The following SULF1 variants were observed in gnomAD, a reference collection of about 807,000 sequenced individuals.
SULF1 encodes extracellular sulfatase Sulf-1.
Under a neutral mutation model 110.5 loss-of-function variants are expected in SULF1, and 46 were observed. The ratio of observed to expected loss-of-function variants is 0.42; its 90% CI spans 0.33 to 0.53. The LOEUF is 0.53. Ranked by LOEUF, SULF1 falls within the 20% of genes least tolerant of loss-of-function variation. The probability of loss-of-function intolerance (pLI) is 0.12; values close to 1 mark genes in which losing one functional copy is unlikely to be tolerated. For missense variants in SULF1, 941 were observed against 1,094.2 expected (o/e 0.86, Z 1.98); for synonymous variants, 371 against 387.1 (o/e 0.96, Z 0.49).
chr8:69,555,201 G>A (rs1815027660), intron 3 of SULF1, among the ~76,000 whole-genome samples: 1 of 152,084 alleles, frequency 6.6e-6, no homozygotes, highest in African/African-American at 2.4e-5. Flanking sequence ...AAATGTGAAT[G>A]CCTCCTTCAC....
At chr8:69,577,236 G>C (rs1419663899) in intron 6 of SULF1, among the ~76,000 whole-genome samples, 1 of 152,230 alleles carries the variant, frequency 6.6e-6, no homozygotes, top group Non-Finnish European at 1.5e-5. Context: ...TGCCTTATCT[G>C]AGTGTGTTTT....
intron 3 of SULF1, among the ~76,000 whole-genome samples, chr8:69,515,553 G>A (rs973645822): frequency 4.6e-5 from 7 of 152,250 alleles, no homozygotes; most frequent in Admixed American, 3.9e-4. Context: ...CATCGTCTTG[G>A]CTATTAACAT....
chr8:69,504,389 A>C (rs1811034862), intron 3 of SULF1, among the ~76,000 whole-genome samples: 1 of 151,950 alleles, frequency 6.6e-6, no homozygotes. Flanking sequence ...CCCCATCTCT[A>C]CTAAAAATAC....
intron 5 of SULF1, among the ~76,000 whole-genome samples, chr8:69,573,300 T>C (rs1805372302): frequency 6.6e-6 from 1 of 152,212 alleles, no homozygotes; most frequent in African/African-American, 2.4e-5. Flanking sequence ...AAAAGGATGA[T>C]ACTGAGAATG....
rs118191284 is a variant in SULF1 at position 69,607,866 on chromosome 8, G to A, written c.1377+2934G>A. Among the ~76,000 whole-genome samples, 1,368 of 152,272 alleles carry A rather than the reference G, an allele frequency of 9.0e-3. 8 individuals carry two copies. Among genetic ancestry groups the A allele is most frequent in the Admixed American group, 0.015 (236 of 15,290 alleles). ...ACCTGCTTGGAATCTGCTCTCTCTCGATGTCCCTCCTGACATGCGCCCTGC... is the reference window on the plus strand; with the variant it reads ...ACCTGCTTGGAATCTGCTCTCTCTCAATGTCCCTCCTGACATGCGCCCTGC... On this transcript the variant is annotated intron_variant, in intron 13 of 22. Transcript: ENST00000402687.
intron 2 of SULF1, among the ~76,000 whole-genome samples, chr8:69,500,704 C>T (rs1448937124): frequency 1.3e-5 from 2 of 152,134 alleles, no homozygotes; most frequent in African/African-American, 4.8e-5. Context: ...TCTAGAACTC[C>T]CCAACCCCCA....
At chr8:69,649,069 T>C (rs1443386802) in intron 22 of SULF1, among the ~76,000 whole-genome samples, 1 of 152,160 alleles carries the variant, frequency 6.6e-6, no homozygotes, top group Non-Finnish European at 1.5e-5. Context: ...AATAAACAGC[T>C]TCCAAACGAC....
intron 6 of SULF1, among the ~76,000 whole-genome samples, chr8:69,582,880 A>G (rs1225300766): frequency 1.3e-5 from 2 of 152,136 alleles, no homozygotes; most frequent in Admixed American, 1.3e-4. Context: ...GGAAAAGGAA[A>G]ATCATCTTGT....
intron 3 of SULF1, among the ~76,000 whole-genome samples, chr8:69,516,733 C>T (rs1811945894): frequency 6.6e-6 from 1 of 152,116 alleles, no homozygotes; most frequent in South Asian, 2.1e-4. Context: ...TAAATAGAGG[C>T]AAATCCTTTG....
intron 1 of SULF1, among the ~76,000 whole-genome samples, chr8:69,467,874 GTCA>G (rs1808920012): frequency 6.6e-6 from 1 of 152,134 alleles, no homozygotes. Context: ...AAAATGAGTT[GTCA>G]TCATATATGC....
chr8:69,572,317 A>G (rs1805292917), intron 5 of SULF1, among the ~76,000 whole-genome samples: 1 of 152,158 alleles, frequency 6.6e-6, no homozygotes, highest in African/African-American at 2.4e-5. Flanking sequence ...GTGTGGCCCT[A>G]GGCACAGCAT....
At chr8:69,650,493 CAT>C (rs1812249931) in intron 22 of SULF1, among the ~76,000 whole-genome samples, 1 of 151,854 alleles carries the variant, frequency 6.6e-6, no homozygotes, top group Non-Finnish European at 1.5e-5. Flanking sequence ...ACATTCAAAA[CAT>C]TAGCTGGGCT....
intron 21 of SULF1, among the ~76,000 whole-genome samples, chr8:69,640,224 T>G (rs528235080): frequency 6.6e-6 from 1 of 152,026 alleles, no homozygotes; most frequent in East Asian, 1.9e-4. Flanking sequence ...CTGCAAAGAC[T>G]TGGAATCTCA....
At chr8:69,549,836 G>A (rs535933949) in intron 3 of SULF1, among the ~76,000 whole-genome samples, 13 of 152,088 alleles carry the variant, frequency 8.5e-5, no homozygotes, top group African/African-American at 2.4e-4. Flanking sequence ...GGAGACCCTC[G>A]AATTCATGGA....
chr8:69,598,807 A>T (rs754728841), intron 8 of SULF1, among the ~76,000 whole-genome samples: 1 of 152,194 alleles, frequency 6.6e-6, no homozygotes, highest in Non-Finnish European at 1.5e-5. Flanking sequence ...TGAGTTACTT[A>T]TACTTCTGAG....
intron 5 of SULF1, 105 bp downstream of exon 5, chr8:69,564,252 C>A: frequency 7.7e-7 from 1 of 1,302,672 alleles, no homozygotes; most frequent in Non-Finnish European, 1.1e-6. Flanking sequence ...AATTATTGCA[C>A]ATTAACCAAC....
At chr8:69,647,289 C>T (rs1811992778) in intron 22 of SULF1, among the ~76,000 whole-genome samples, 3 of 151,960 alleles carry the variant, frequency 2.0e-5, no homozygotes, top group South Asian at 4.2e-4. Flanking sequence ...TAATGGATGA[C>T]AAAATTGCAG....
At position 69,576,045 on chromosome 8, in the gene SULF1, C is replaced by T. The variant is rs1805586914; in HGVS notation, c.248C>T (p.Thr83Ile). Reference sequence around the variant, plus strand: ...GCCACCTTCATCAATGCCTTTGTGACTACACCCATGTGCTGCCCGTCACGG... The same window carrying T: ...GCCACCTTCATCAATGCCTTTGTGATTACACCCATGTGCTGCCCGTCACGG... ...GGATFINAFV[T>I]TPMCCPSRSS... is the part of the protein sequence containing the mutation. The change falls in exon 6 of 23, where the codon ACT becomes ATT. Residue 83 changes from threonine to isoleucine, a missense_variant. Thr to Ile is a moderately conservative substitution (Grantham distance 89). Coordinates refer to ENST00000402687, the MANE Select transcript of SULF1 (RefSeq NM_001128205.2). 6.2e-7 allele frequency: 1 copy of T among 1,614,068 alleles called. No homozygotes were observed.
chr8:69,544,250 T>C (rs1194047405), intron 3 of SULF1, among the ~76,000 whole-genome samples: 3 of 151,724 alleles, frequency 2.0e-5, no homozygotes, highest in South Asian at 2.1e-4. Context: ...ACAAAACAAA[T>C]GTTTTTTTTT....
Sources: gnomAD v4.1 joint callset for allele counts (sites outside exome capture counted in the v4.1 genomes callset) on GRCh38, gnomAD v4.1.1 for gene constraint, MANE v1.5 for transcripts, NCBI Gene and HGNC (gene_info 2026-07-23, HGNC 2026-07-21) for gene names.